CDKL5: variants seen among roughly 807,000 people sequenced by gnomAD.
The protein encoded by CDKL5 is cyclin-dependent kinase-like 5.
A neutral mutation model predicts 61.7 loss-of-function variants in CDKL5; 8 were observed. The observed-to-expected ratio is 0.13, with a 90% confidence interval of 0.08 to 0.23. The LOEUF (loss-of-function observed/expected upper bound fraction) is 0.23, where lower values mean the gene tolerates loss of function less well. Ranked by LOEUF, CDKL5 falls within the 10% of genes least tolerant of loss-of-function variation. CDKL5 has a pLI of 1.00. For synonymous variants in CDKL5, 275 were observed against 272.3 expected, an observed-to-expected ratio of 1.01 and a Z score of -0.10; for missense variants, 440 against 734.5, an observed-to-expected ratio of 0.60 and a Z score of 4.63.
intron 1 of CDKL5, among the ~76,000 whole-genome samples, chrX:18,462,257 C>A (rs1374231244): frequency 9.0e-6 from 1 of 110,561 alleles, no homozygotes; most frequent in African/African-American, 3.3e-5. Flanking sequence ...GGATTTCAGT[C>A]GCAGCTGCAA....
rs1927163480 is a variant in CDKL5, at chrX:18,629,075, T to C, written c.*318T>C. The C allele has an allele frequency of 1.2e-6, 1 of 833,654 alleles. No individual in the cohort carries two copies. Among genetic ancestry groups the C allele is most frequent in the African/African-American group, 2.2e-5 (1 of 46,260 alleles). 68.7% of individuals were successfully genotyped at this position (833,654 alleles called of 1,213,427 possible). A position where few individuals can be genotyped will look rare whatever the true frequency, so the allele number is the denominator to read the frequency against. On this transcript the variant is annotated 3_prime_UTR_variant, in exon 18 of 18. Transcript: ENST00000623535. ...CCTTTACATTCCAGCTTTAGTGCAA[T>C]CTCTGTTGAACTTGGGAATGCCAGG...
chrX:18,587,403 A>G (rs750427138), intron 8 of CDKL5, among the ~76,000 whole-genome samples: 1 of 111,752 alleles, frequency 8.9e-6, no homozygotes, highest in South Asian at 3.7e-4. Context: ...TTATATTCAA[A>G]TAAATAATAT....
intron 15 of CDKL5, among the ~76,000 whole-genome samples, chrX:18,616,831 G>A (rs1223180055): frequency 9.0e-6 from 1 of 110,905 alleles, no homozygotes; most frequent in African/African-American, 3.3e-5. Context: ...ACATCGCCAG[G>A]GGAGGGGCAG....
intron 16 of CDKL5, among the ~76,000 whole-genome samples, chrX:18,621,765 G>A (rs1926896677): frequency 9.0e-6 from 1 of 111,359 alleles, no homozygotes; most frequent in Non-Finnish European, 1.9e-5. Context: ...CTTTTAAAGT[G>A]TCAAATCAAA....
intron 3 of CDKL5, among the ~76,000 whole-genome samples, chrX:18,521,944 T>G (rs1017383719): frequency 1.8e-5 from 2 of 112,444 alleles, no homozygotes; most frequent in Non-Finnish European, 3.8e-5. Flanking sequence ...TTACTATAAA[T>G]TTGTGGTAAA....
chrX:18,545,543 G>A (rs969130743), intron 3 of CDKL5, among the ~76,000 whole-genome samples: 3 of 112,021 alleles, frequency 2.7e-5, no homozygotes, highest in African/African-American at 9.7e-5. Flanking sequence ...CCTCTGTTGA[G>A]AAAAGATTCA....
chrX:18,644,752 C>T, downstream of CDKL5: 1 of 632,016 alleles, frequency 1.6e-6, no homozygotes, highest in Non-Finnish European at 2.6e-6. Flanking sequence ...GCAGTCTGGG[C>T]TGCAGTCTGA....
At chrX:18,606,148 T>C (rs1926355944) in intron 12 of CDKL5, among the ~76,000 whole-genome samples, 1 of 108,379 alleles carries the variant, frequency 9.2e-6, no homozygotes, top group African/African-American at 3.4e-5. Flanking sequence ...GCCACTGCAC[T>C]TCAGCCTGGT....
chrX:18,577,483 G>A (rs1418195255), intron 5 of CDKL5, among the ~76,000 whole-genome samples: 1 of 112,210 alleles, frequency 8.9e-6, no homozygotes, highest in Non-Finnish European at 1.9e-5. Flanking sequence ...CAGAGACCCA[G>A]GATTGCAGAG....
At chrX:18,503,748 G>GT (rs1922469512) in intron 1 of CDKL5, among the ~76,000 whole-genome samples, 1 of 111,470 alleles carries the variant, frequency 9.0e-6, no homozygotes. Flanking sequence ...TTTTTGTTTT[G>GT]TTTTTGTTTT....
At chrX:18,595,129 C>T (rs1925949053) in intron 9 of CDKL5, among the ~76,000 whole-genome samples, 1 of 112,101 alleles carries the variant, frequency 8.9e-6, no homozygotes, top group African/African-American at 3.2e-5. Context: ...TTGCAGTGAG[C>T]CCAGATCGCA....
chrX:18,634,502 A>T lies in CDKL5; in HGVS notation c.*5745A>T, dbSNP rs1160926915. 7 of 752,565 alleles carry T rather than the reference A, an allele frequency of 9.3e-6. No homozygotes were observed. The highest frequency in any genetic ancestry group is 9.3e-5 in the African/African-American group (4 of 43,211). The allele number at this position is 752,565 out of a possible 1,213,427, so 62.0% of individuals were successfully genotyped here. On this transcript the variant is annotated 3_prime_UTR_variant, in exon 18 of 18. Transcript: ENST00000623535. ...GGAAAAACAAAACAAAACAAAAAAGATGCTTATCGTCCCGGAGAATGTGTA... is the reference window on the plus strand; with the variant it reads ...GGAAAAACAAAACAAAACAAAAAAGTTGCTTATCGTCCCGGAGAATGTGTA...
chrX:18,538,299 T>C (rs1365047144), intron 3 of CDKL5, among the ~76,000 whole-genome samples: 1 of 112,111 alleles, frequency 8.9e-6, no homozygotes, highest in Non-Finnish European at 1.9e-5. Context: ...TTTATTATTG[T>C]TGAGTTTAAG....
chrX:18,439,905 TA>T (rs147424746), intron 1 of CDKL5, among the ~76,000 whole-genome samples: 159 of 100,125 alleles, frequency 1.6e-3, no homozygotes, highest in Middle Eastern at 5.2e-3. Context: ...ACATTATGTC[TA>T]AAAAAAAAAA....
At chrX:18,454,362 G>A (rs938888566) in intron 1 of CDKL5, among the ~76,000 whole-genome samples, 3 of 107,560 alleles carry the variant, frequency 2.8e-5, no homozygotes, top group East Asian at 2.9e-4. Context: ...TCAACCTCCC[G>A]AGTAGCTGGG....
Position 18,611,118 on chromosome X carries a change from C to T in CDKL5, c.2152+1548C>T, listed in dbSNP as rs1454733553. On this transcript the variant is annotated intron_variant, in intron 14 of 17. Coordinates refer to ENST00000623535, the MANE Select transcript of CDKL5 (RefSeq NM_001323289.2). ...ATTGAATATGCCATTTTTCCTGATA[C>T]CATGATTACGCTTTAGTATTTTATG... Among the ~76,000 whole-genome samples the T allele has an allele frequency of 4.5e-5, 5 of 111,653 alleles. No homozygotes were observed. The East Asian group carries it at 1.4e-3, about 31-fold the overall frequency.
intron 1 of CDKL5, among the ~76,000 whole-genome samples, chrX:18,453,826 C>T (rs1355619436): frequency 8.9e-6 from 1 of 112,018 alleles, no homozygotes. Flanking sequence ...GAAAAACCTA[C>T]GTTTTCATAG....
At chrX:18,559,199 T>TTTTTGTTTTG in intron 3 of CDKL5, among the ~76,000 whole-genome samples, 1 of 111,662 alleles carries the variant, frequency 9.0e-6, no homozygotes, top group Middle Eastern at 4.6e-3. Context: ...AGGATGAGGT[T>TTTTTGTTTTG]TTTTGTTTTG....
At chrX:18,524,992 G>A (rs1434625864) in intron 3 of CDKL5, among the ~76,000 whole-genome samples, 1 of 111,684 alleles carries the variant, frequency 9.0e-6, no homozygotes, top group Non-Finnish European at 1.9e-5. Context: ...ATGCAGTCAT[G>A]GCTCACTACA....
Sources: allele counts gnomAD v4.1 joint callset (sites outside exome capture counted in the v4.1 genomes callset), GRCh38; gene constraint gnomAD v4.1.1; transcripts MANE v1.5; gene names NCBI Gene and HGNC (gene_info 2026-07-23, HGNC 2026-07-21).